The following BTBD9 variants were observed in gnomAD, a reference collection of about 807,000 sequenced individuals.
BTBD9 encodes BTB/POZ domain-containing protein 9.
BTBD9 carries 49 observed loss-of-function variants against 64.3 expected under a neutral mutation model. That is an observed-to-expected ratio of 0.76 (90% confidence interval 0.61 to 0.97). The LOEUF is 0.97. Ranked by LOEUF, BTBD9 falls within the 50% of genes least tolerant of loss-of-function variation. BTBD9 has a pLI of 0.00. For missense variants in BTBD9, 598 were observed against 762.1 expected, an observed-to-expected ratio of 0.78 and a Z score of 2.53; for synonymous variants, 260 against 274.7, an observed-to-expected ratio of 0.95 and a Z score of 0.53.
chr6:38,272,116 A>AC (rs1483716954), intron 8 of BTBD9, among the ~76,000 whole-genome samples: 3 of 152,280 alleles, frequency 2.0e-5, no homozygotes, highest in South Asian at 2.1e-4. Flanking sequence ...ATTGACCACT[A>AC]CCCTCTAGAG....
chr6:38,542,214 C>G lies in BTBD9; in HGVS notation c.1154+35386G>C, dbSNP rs116417791. ...AAGAACAAGTCTTGCGTATCCAACT[C>G]TCTCTGGAAACTTCCATTTGATGAC... On this transcript the variant is annotated intron_variant, in intron 6 of 10. Transcript: ENST00000481247. Among the ~76,000 whole-genome samples, 1,138 of 152,052 alleles carry G rather than the reference C, an allele frequency of 7.5e-3. 13 individuals are homozygous for G. Among genetic ancestry groups the G allele is most frequent in the African/African-American group, 0.026 (1,082 of 41,376 alleles).
chr6:38,264,738 G>A (rs915492419), intron 8 of BTBD9, among the ~76,000 whole-genome samples: 3 of 152,198 alleles, frequency 2.0e-5, no homozygotes, highest in Admixed American at 2.0e-4. Flanking sequence ...AGCTGCTGGA[G>A]GACGCTGAGT....
intron 6 of BTBD9, among the ~76,000 whole-genome samples, chr6:38,427,331 G>C (rs1197003293): frequency 6.6e-6 from 1 of 151,764 alleles, no homozygotes; most frequent in Non-Finnish European, 1.5e-5. Flanking sequence ...TTTCGAAAAA[G>C]GAAAAGAAAA....
chr6:38,610,403 T>C (rs1777575649), intron 1 of BTBD9, among the ~76,000 whole-genome samples: 1 of 152,138 alleles, frequency 6.6e-6, no homozygotes, highest in African/African-American at 2.4e-5. Context: ...TTTAAGGATA[T>C]TAAATGAAAG....
chr6:38,533,874 G>T (rs1384375038), intron 6 of BTBD9, among the ~76,000 whole-genome samples: 2 of 151,978 alleles, frequency 1.3e-5, no homozygotes, highest in Non-Finnish European at 2.9e-5. Flanking sequence ...AAACCTATGG[G>T]ATTCAATGAA....
intron 8 of BTBD9, among the ~76,000 whole-genome samples, chr6:38,260,425 A>G (rs1221379610): frequency 6.6e-6 from 1 of 152,224 alleles, no homozygotes; most frequent in African/African-American, 2.4e-5. Flanking sequence ...TAGTGTTTCT[A>G]CAGAGGACTG....
At chr6:38,186,183 A>G (rs1582015470) in intron 10 of BTBD9, among the ~76,000 whole-genome samples, 1 of 152,172 alleles carries the variant, frequency 6.6e-6, no homozygotes, top group Non-Finnish European at 1.5e-5. Context: ...CTGCTCCACA[A>G]TTTTGCCAAC....
chr6:38,251,351 G>A (rs575475407), intron 9 of BTBD9, among the ~76,000 whole-genome samples: 45 of 149,396 alleles, frequency 3.0e-4, no homozygotes, highest in African/African-American at 1.0e-3. Flanking sequence ...TGCAACCTCC[G>A]CCTCCCGGGT....
In BTBD9 at chr6:38,342,109, A is replaced by G. The variant is rs965076904; in HGVS notation, c.1264+2875T>C. On this transcript the variant is annotated intron_variant, in intron 7 of 10. Coordinates refer to ENST00000481247, the MANE Select transcript of BTBD9 (RefSeq NM_001099272.2). Reference sequence around the variant, plus strand: ...TATATATTTTAAATAATAACATTAGAATCTGACTTTTTAAAATGATAAATA... The same window carrying G: ...TATATATTTTAAATAATAACATTAGGATCTGACTTTTTAAAATGATAAATA... Among the ~76,000 whole-genome samples, 8 of 152,200 alleles carry G rather than the reference A, an allele frequency of 5.3e-5. 1 individual carries two copies. In the South Asian group the frequency reaches 1.4e-3, roughly 28 times the overall value.
chr6:38,551,652 G>T (rs749436203), intron 6 of BTBD9, among the ~76,000 whole-genome samples: 1 of 152,164 alleles, frequency 6.6e-6, no homozygotes, highest in Non-Finnish European at 1.5e-5. Flanking sequence ...TTCAAAGCCA[G>T]GCAGACTGAC....
At chr6:38,272,735 T>C (rs970399464) in intron 8 of BTBD9, among the ~76,000 whole-genome samples, 3 of 152,194 alleles carry the variant, frequency 2.0e-5, no homozygotes, top group Admixed American at 6.5e-5. Context: ...CAATTCTTTA[T>C]AGATGATGGT....
rs76147691 is a variant in BTBD9 at position 38,472,005 on chromosome 6, G to A, written c.1154+105595C>T. ...ATACATGAAATAACAGAGCTTCTCT[G>A]AACATTCTGCAAGATTCCACTTTGC... On this transcript the variant is annotated intron_variant, in intron 6 of 10. Transcript: ENST00000481247. Among the ~76,000 whole-genome samples the A allele has an allele frequency of 1.2e-4, 19 of 152,256 alleles. No homozygotes were observed. In the East Asian group the frequency reaches 3.7e-3, roughly 29 times the overall value.
At chr6:38,523,306 C>A (rs1428006722) in intron 6 of BTBD9, among the ~76,000 whole-genome samples, 1 of 152,160 alleles carries the variant, frequency 6.6e-6, no homozygotes, top group East Asian at 1.9e-4. Flanking sequence ...AACATCCTAA[C>A]TGGTCACCCT....
At chr6:38,239,205 G>A (rs1355778915) in intron 9 of BTBD9, among the ~76,000 whole-genome samples, 1 of 152,088 alleles carries the variant, frequency 6.6e-6, no homozygotes, top group East Asian at 1.9e-4. Context: ...ACTTTGGGAG[G>A]CCGAGGTGGA....
intron 6 of BTBD9, among the ~76,000 whole-genome samples, chr6:38,540,039 C>G (rs979915554): frequency 7.2e-5 from 11 of 152,074 alleles, no homozygotes; most frequent in Non-Finnish European, 1.3e-4. Flanking sequence ...TTTATCAGTA[C>G]CTAAAATGAA....
chr6:38,338,812 G>A (rs1763995189), intron 7 of BTBD9, among the ~76,000 whole-genome samples: 1 of 152,040 alleles, frequency 6.6e-6, no homozygotes. Flanking sequence ...GAAGAGAAGA[G>A]CCATTTAAAA....
intron 6 of BTBD9, among the ~76,000 whole-genome samples, chr6:38,453,924 T>C (rs1769672765): frequency 6.6e-6 from 1 of 152,344 alleles, no homozygotes; most frequent in South Asian, 2.1e-4. Context: ...ATTCTATATA[T>C]TTAAGAAATA....
chr6:38,639,339 T>C (rs898174945), intron 1 of BTBD9, among the ~76,000 whole-genome samples: 2 of 152,068 alleles, frequency 1.3e-5, no homozygotes, highest in African/African-American at 4.8e-5. Flanking sequence ...GATTCACAAC[T>C]CTCTCCATAA....
At chr6:38,361,688 A>G (rs1399896062) in intron 6 of BTBD9, among the ~76,000 whole-genome samples, 3 of 152,082 alleles carry the variant, frequency 2.0e-5, no homozygotes, top group South Asian at 2.1e-4. Flanking sequence ...TAAAAATACA[A>G]AATTAGGCAG....
Sources: gnomAD v4.1 joint callset for allele counts (sites outside exome capture counted in the v4.1 genomes callset) on GRCh38, gnomAD v4.1.1 for gene constraint, MANE v1.5 for transcripts, NCBI Gene and HGNC (gene_info 2026-07-23, HGNC 2026-07-21) for gene names.